UGT3A1: variants seen among roughly 807,000 people sequenced by gnomAD.
The protein encoded by UGT3A1 is UDP glycosyltransferase family 3 member A1.
In UGT3A1, 40 loss-of-function variants were observed where a neutral mutation model predicts 37.6. That is an observed-to-expected ratio of 1.06 (90% CI 0.83 to 1.38). UGT3A1 has a LOEUF of 1.38. UGT3A1 is among the 40% of genes most tolerant of loss of function. The pLI, the probability that UGT3A1 is intolerant of heterozygous loss-of-function variation, is 0.00. For missense variants in UGT3A1, 642 were observed against 634.2 expected (o/e 1.01, Z -0.13); for synonymous variants, 256 against 232.3 (o/e 1.10, Z -0.93).
chr5:35,977,124 AAGGAAGGAAGG>A lies in UGT3A1; in HGVS notation c.197-9002_197-8992del, dbSNP rs1429523351. 9.5e-4 allele frequency among the ~76,000 whole-genome samples: 144 copies of A among 151,730 alleles called. 2 individuals carry two copies. The highest frequency in any genetic ancestry group is 3.2e-3 in the African/African-American group (134 of 41,346). On this transcript the variant is annotated intron_variant, in intron 2 of 6. Coordinates refer to ENST00000274278, the MANE Select transcript of UGT3A1 (RefSeq NM_152404.4). ...AGAAAGAGAAAGAGAGAAAGAAAAG[AAGGAAGGAAGG>A]AAAGAAGGAAGGAAGGAAGAGAAAG...
chr5:35,954,922 G>A (rs189590084), intron 6 of UGT3A1: 130 of 163,536 alleles, frequency 7.9e-4, no homozygotes, highest in African/African-American at 3.0e-3. Context: ...TCACTATGCC[G>A]CTTTTATTTC....
Position 35,953,416 on chromosome 5 carries a change from A to G in UGT3A1, c.*786T>C, listed in dbSNP as rs796653906. The G allele has an allele frequency of 1.3e-5, 2 of 152,324 alleles. No homozygotes were observed. Among genetic ancestry groups the G allele is most frequent in the East Asian group, 1.9e-4 (1 of 5,322 alleles). The allele number at this position is 152,324 out of a possible 1,614,324, so 9.4% of individuals were successfully genotyped here. ...TTAAGGTAATCTCTAAGGTTTTACCATATAGAAGGGTATTAACTGCCATGT... is the reference window on the plus strand; with the variant it reads ...TTAAGGTAATCTCTAAGGTTTTACCGTATAGAAGGGTATTAACTGCCATGT... On this transcript the variant is annotated 3_prime_UTR_variant, in exon 7 of 7. Transcript: ENST00000274278.
chr5:35,968,271 T>G, intron 2 of UGT3A1, 138 bp from the exon 3 acceptor site: 2 of 602,612 alleles, frequency 3.3e-6, no homozygotes, highest in Non-Finnish European at 2.8e-6. Context: ...TTTGGTTTTG[T>G]TTTTCTTTTT....
chr5:35,965,305 C>T (rs1238859076), intron 4 of UGT3A1, 81 bp downstream of exon 4: 40 of 1,534,982 alleles, frequency 2.6e-5, no homozygotes, highest in Non-Finnish European at 6.1e-6. Context: ...ACCTCAGGAT[C>T]CCACTGGCAG....
chr5:35,973,894 G>A (rs933531118), intron 2 of UGT3A1, among the ~76,000 whole-genome samples: 1 of 152,182 alleles, frequency 6.6e-6, no homozygotes, highest in African/African-American at 2.4e-5. Context: ...TCTGATTCAT[G>A]GAGACCTAGA....
At chr5:35,958,027 T>G (rs1739426785) in intron 4 of UGT3A1, among the ~76,000 whole-genome samples, 1 of 152,264 alleles carries the variant, frequency 6.6e-6, no homozygotes, top group Non-Finnish European at 1.5e-5. Flanking sequence ...CATCAATTAT[T>G]GCTTCACATA....
At chr5:35,996,989 C>T (rs1224393868) in intron 2 of UGT3A1, among the ~76,000 whole-genome samples, 2 of 152,170 alleles carry the variant, frequency 1.3e-5, no homozygotes, top group Admixed American at 1.3e-4. Flanking sequence ...CCCAAAGAAA[C>T]CCCTACTCAA....
intron 2 of UGT3A1, among the ~76,000 whole-genome samples, chr5:35,975,782 T>C (rs1740243050): frequency 6.6e-6 from 1 of 152,210 alleles, no homozygotes; most frequent in Admixed American, 6.5e-5. Flanking sequence ...GCCATGTTGG[T>C]GTGCTGCACC....
intron 2 of UGT3A1, among the ~76,000 whole-genome samples, chr5:35,996,906 C>T: frequency 6.6e-6 from 1 of 152,284 alleles, no homozygotes; most frequent in East Asian, 1.9e-4. Flanking sequence ...GATGTCCCAT[C>T]CCACTTATGG....
At chr5:35,987,196 A>G (rs1740761948) in intron 2 of UGT3A1, among the ~76,000 whole-genome samples, 1 of 152,204 alleles carries the variant, frequency 6.6e-6, no homozygotes, top group Admixed American at 6.5e-5. Context: ...ATTTCAATAC[A>G]CTGATTTGGC....
chr5:35,993,633 G>T (rs1213066604), upstream of UGT3A1, among the ~76,000 whole-genome samples: 2 of 152,088 alleles, frequency 1.3e-5, no homozygotes, highest in Non-Finnish European at 2.9e-5. Flanking sequence ...ATCTCCTGGT[G>T]CGCGTCCTTA....
At chr5:35,985,921 A>G (rs1437583271) in intron 2 of UGT3A1, among the ~76,000 whole-genome samples, 2 of 152,190 alleles carry the variant, frequency 1.3e-5, no homozygotes, top group African/African-American at 4.8e-5. Context: ...TGAAAAGACA[A>G]CCCAAAGAAT....
At chr5:35,977,838 A>T (rs1740355707) in intron 2 of UGT3A1, among the ~76,000 whole-genome samples, 1 of 152,234 alleles carries the variant, frequency 6.6e-6, no homozygotes, top group South Asian at 2.1e-4. Flanking sequence ...AATTTAAAAG[A>T]TACAAACTAA....
intron 2 of UGT3A1, among the ~76,000 whole-genome samples, chr5:35,981,780 T>C (rs1217638769): frequency 6.6e-6 from 1 of 152,216 alleles, no homozygotes; most frequent in Non-Finnish European, 1.5e-5. Flanking sequence ...AGGAGCCAAA[T>C]GTTAGTAACA....
upstream of UGT3A1, among the ~76,000 whole-genome samples, chr5:35,991,909 C>T (rs1740963905): frequency 6.6e-6 from 1 of 152,186 alleles, no homozygotes. Context: ...AATTCGAACA[C>T]AGAGACTATG....
rs1179767075 is a variant in UGT3A1 at position 35,951,774 on chromosome 5, G to GGAATTTTTTTCC, written c.*2427_*2428insGGAAAAAAATTC. 6.6e-6 allele frequency: 1 copy of GGAATTTTTTTCC among 152,086 alleles called. No individual in the cohort carries two copies. Among genetic ancestry groups the GGAATTTTTTTCC allele is most frequent in the Non-Finnish European group, 1.5e-5 (1 of 68,014 alleles). 9.4% of individuals were successfully genotyped at this position (152,086 alleles called of 1,614,324 possible). A position where few individuals can be genotyped will look rare whatever the true frequency, so the allele number is the denominator to read the frequency against. ...TTAGAAAGTCTCTCCCTATACACAGGCTATGGAAAAATTCACTTTTTCTCT... is the reference window on the plus strand; with the variant it reads ...TTAGAAAGTCTCTCCCTATACACAGGGAATTTTTTTCCCTATGGAAAAATTCACTTTTTCTCT... On this transcript the variant is annotated 3_prime_UTR_variant, in exon 7 of 7. Transcript: ENST00000274278.
chr5:35,998,650 A>G (rs1254473336), intron 1 of UGT3A1, among the ~76,000 whole-genome samples: 2 of 152,196 alleles, frequency 1.3e-5, no homozygotes, highest in Non-Finnish European at 2.9e-5. Flanking sequence ...GCCACTGGAT[A>G]AAGCCAAAAT....
At position 35,991,263 on chromosome 5, in the gene UGT3A1, G is replaced by T; in HGVS notation, c.-23C>A. The T allele has an allele frequency of 6.2e-7, 1 of 1,614,098 alleles. No individual in the cohort carries two copies. The highest frequency in any genetic ancestry group is 8.5e-7 in the Non-Finnish European group (1 of 1,179,962). ...CATGCTCACTTCCACAGAAGCAGCGGATCTCAGCCTGGGCTGCGCGCCCTG... is the reference window on the plus strand; with the variant it reads ...CATGCTCACTTCCACAGAAGCAGCGTATCTCAGCCTGGGCTGCGCGCCCTG... On this transcript the variant is annotated 5_prime_UTR_variant, in exon 1 of 7. Transcript: ENST00000274278.
intron 3 of UGT3A1, among the ~76,000 whole-genome samples, chr5:35,967,158 C>T (rs941830816): frequency 1.3e-5 from 2 of 152,150 alleles, no homozygotes; most frequent in African/African-American, 4.8e-5. Context: ...AGAGACAACA[C>T]ATATACTTTA....
Sources: allele counts gnomAD v4.1 joint callset (sites outside exome capture counted in the v4.1 genomes callset), GRCh38; gene constraint gnomAD v4.1.1; transcripts MANE v1.5; gene names NCBI Gene and HGNC (gene_info 2026-07-23, HGNC 2026-07-21).